Variants in MTMR14 observed in about 807,000 individuals in gnomAD.
MTMR14 encodes the protein phosphatidylinositol-3,5-bisphosphate 3-phosphatase MTMR14.
MTMR14 carries 48 observed loss-of-function variants against 86.3 expected under a neutral mutation model. The observed-to-expected ratio is 0.56, with a 90% CI of 0.44 to 0.71. The LOEUF (loss-of-function observed/expected upper bound fraction) is 0.71. MTMR14 is among the 30% of genes least tolerant of loss of function. The pLI is 0.00. For synonymous variants in MTMR14, 366 were observed against 326.1 expected (o/e 1.12, Z -1.32); for missense variants, 780 against 834.6 (o/e 0.93, Z 0.81).
At position 9,679,866 on chromosome 3, in the gene MTMR14, A is replaced by AGCAG. The variant is rs575350925; in HGVS notation, c.897+1819_897+1822dup. 2.8e-3 allele frequency among the ~76,000 whole-genome samples: 419 copies of AGCAG among 152,322 alleles called. 2 individuals are homozygous for AGCAG. The highest frequency in any genetic ancestry group is 2.7e-3 in the Admixed American group (41 of 15,302). On this transcript the variant is annotated intron_variant, in intron 9 of 18. Coordinates refer to ENST00000296003, the MANE Select transcript of MTMR14 (RefSeq NM_001077525.3). Reference sequence around the variant, plus strand: ...CGTGAAGGCAGCAGGGCTGGAGTGTAGCAGGCAGGCAGGCGCCTCCCAAGA... The same window carrying AGCAG: ...CGTGAAGGCAGCAGGGCTGGAGTGTAGCAGGCAGGCAGGCAGGCGCCTCCCAAGA...
intron 17 of MTMR14, among the ~76,000 whole-genome samples, chr3:9,694,984 T>A (rs2076241913): frequency 6.6e-6 from 1 of 152,202 alleles, no homozygotes; most frequent in South Asian, 2.1e-4. Context: ...GAAGCGTTGT[T>A]CAGCTCCGCC....
rs1322414780 is a variant in MTMR14, at chr3:9,672,346, TCTC to T, written c.678-336_678-334del. Among the ~76,000 whole-genome samples the T allele has an allele frequency of 2.0e-5, 3 of 152,102 alleles. No individual in the cohort carries two copies. In the South Asian group the frequency reaches 6.2e-4, roughly 32 times the overall value. On this transcript the variant is annotated intron_variant, in intron 6 of 18. Transcript: ENST00000296003. ...CATCTGCCTCCTGGGTTCAAGCAAT[TCTC>T]CTGCTTCAGCCTCCTGAGTAGCTGG...
chr3:9,659,258 G>T (rs141334766), intron 2 of MTMR14, among the ~76,000 whole-genome samples: 6 of 152,158 alleles, frequency 3.9e-5, no homozygotes, highest in Non-Finnish European at 5.9e-5. Context: ...TCACTACCTG[G>T]TAACATCTTG....
intron 10 of MTMR14, 35 bp downstream of exon 10, chr3:9,683,279 G>C: frequency 6.3e-7 from 1 of 1,594,684 alleles, no homozygotes; most frequent in Non-Finnish European, 8.6e-7. Context: ...TCGAGCCACT[G>C]CACCCTTGGG....
intron 12 of MTMR14, 76 bp downstream of exon 12, chr3:9,685,040 A>G (rs942521657): frequency 2.0e-6 from 3 of 1,529,110 alleles, no homozygotes; most frequent in African/African-American, 2.7e-5. Context: ...GGCTCCCTTG[A>G]CAGGGGCTGG....
chr3:9,690,548 T>A (rs2076106960), intron 17 of MTMR14, among the ~76,000 whole-genome samples: 1 of 152,166 alleles, frequency 6.6e-6, no homozygotes, highest in African/African-American at 2.4e-5. Context: ...GAGAACAGTG[T>A]TAGGGAGCTG....
Position 9,677,680 on chromosome 3 carries a change from A to C in MTMR14, c.822+293A>C, listed in dbSNP as rs1366758675. 6.6e-6 allele frequency among the ~76,000 whole-genome samples: 1 copy of C among 152,208 alleles called. No homozygotes were observed. Among genetic ancestry groups the C allele is most frequent in the Non-Finnish European group, 1.5e-5 (1 of 68,038 alleles). ...TACTCTCTGTGTGAAAGCTGGGGGC[A>C]GCATTCTTTGCCTTCCCCAGCCTGT... On this transcript the variant is annotated intron_variant, in intron 8 of 18. Coordinates refer to ENST00000296003, the MANE Select transcript of MTMR14 (RefSeq NM_001077525.3). This position sits in a 1 kb window ranked among gnomAD's most constrained non-coding sequence, Gnocchi z 4.2.
At chr3:9,684,860 C>T (rs754701374) in intron 11 of MTMR14, 28 bp from the exon 12 acceptor site, 3 of 1,610,490 alleles carry the variant, frequency 1.9e-6, no homozygotes, top group East Asian at 4.5e-5. Context: ...GAAGAGGGCT[C>T]TGTCACATCT....
Position 9,672,769 on chromosome 3 carries a change from C to T in MTMR14, c.751+11C>T, listed in dbSNP as rs201803218. 1 of 1,613,698 alleles carries T rather than the reference C, an allele frequency of 6.2e-7. No homozygotes were observed. The highest frequency in any genetic ancestry group is 1.3e-5 in the African/African-American group (1 of 74,902). On this transcript the variant is annotated intron_variant, in intron 7 of 18. Coordinates refer to ENST00000296003, the MANE Select transcript of MTMR14 (RefSeq NM_001077525.3). ...CCATCCCGTATCCAGGTAGGGGGCT[C>T]TCTTCTAGTGGCAGGCATCCTAGGA...
chr3:9,681,388 G>T (rs932964198), intron 9 of MTMR14, among the ~76,000 whole-genome samples: 1 of 152,192 alleles, frequency 6.6e-6, no homozygotes, highest in African/African-American at 2.4e-5. Context: ...CCTAGTCCCT[G>T]AACACTAAGC....
At chr3:9,697,090 CTG>C (rs1165725697) in intron 17 of MTMR14, among the ~76,000 whole-genome samples, 1 of 152,198 alleles carries the variant, frequency 6.6e-6, no homozygotes, top group Non-Finnish European at 1.5e-5. Context: ...TCCCTTCCCT[CTG>C]GGCATAGCCA....
intron 2 of MTMR14, among the ~76,000 whole-genome samples, chr3:9,660,390 C>G (rs921937222): frequency 6.6e-6 from 1 of 152,050 alleles, no homozygotes; most frequent in Admixed American, 6.6e-5. Context: ...TCCTGAGTAG[C>G]TGGGATTACA....
At chr3:9,651,857 C>T (rs2047315689) in intron 1 of MTMR14, among the ~76,000 whole-genome samples, 2 of 140,096 alleles carry the variant, frequency 1.4e-5, no homozygotes, top group Non-Finnish European at 1.5e-5. Context: ...TTTGAGATGG[C>T]GTCTCACTCT....
At chr3:9,692,493 G>T (rs887284940) in intron 17 of MTMR14, among the ~76,000 whole-genome samples, 11 of 152,234 alleles carry the variant, frequency 7.2e-5, no homozygotes, top group African/African-American at 2.4e-4. Flanking sequence ...TCAGCGACAG[G>T]GTTGAGGGCT....
Position 9,649,622 on chromosome 3 carries a change from G to A in MTMR14, c.39G>A (p.Ala13=), listed in dbSNP as rs747366706. The part of the protein sequence containing the change: ...GARAAAAAAS[A]GSSASSGNQP... ...GGGCCGCCGCCGCCGCTGCCTCGGC[G>A]GGGTCCTCGGCCTCTTCAGGCAACC... The change falls in exon 1 of 19, where the codon GCG becomes GCA. Residue 13 remains alanine (A), a synonymous_variant. Transcript: ENST00000296003. 8 of 1,555,342 alleles carry A rather than the reference G, an allele frequency of 5.1e-6. No individual in the cohort carries two copies. Among genetic ancestry groups the A allele is most frequent in the Admixed American group, 1.9e-5 (1 of 51,430 alleles).
chr3:9,685,893 G>A (rs1365640820), intron 13 of MTMR14, among the ~76,000 whole-genome samples: 7 of 152,170 alleles, frequency 4.6e-5, no homozygotes, highest in African/African-American at 1.7e-4. Flanking sequence ...TCCCTAGTTG[G>A]CCCCCTTACT....
Position 9,688,691 on chromosome 3 carries a change from T to C in MTMR14, c.1236-5T>C, listed in dbSNP as rs759496071. ...GGAATTTACTGCTCCGGCTTCCATTTCTAGGAGGAAGAGTTTGCCAGCCCG... is the reference window on the plus strand; with the variant it reads ...GGAATTTACTGCTCCGGCTTCCATTCCTAGGAGGAAGAGTTTGCCAGCCCG... On this transcript the variant is annotated splice_polypyrimidine_tract_variant and splice_region_variant and intron_variant, in intron 14 of 18. Coordinates refer to ENST00000296003, the MANE Select transcript of MTMR14 (RefSeq NM_001077525.3). 6.2e-7 allele frequency: 1 copy of C among 1,614,152 alleles called. No individual in the cohort carries two copies. Among genetic ancestry groups the C allele is most frequent in the Non-Finnish European group, 8.5e-7 (1 of 1,180,026 alleles).
chr3:9,690,127 G>A lies in MTMR14; in HGVS notation c.1597G>A (p.Glu533Lys), dbSNP rs200526048. ...NFFRMGSSPL[E>K]VPKPRSVDHP... ...TTTCAGGATGGGTAGCAGTCCCCTG[G>A]AGGTCCCCAAACCCAGGTGAGGAGC... is the stretch of plus-strand genomic sequence containing the variant. The change falls in exon 17 of 19, where the codon GAG becomes AAG. Residue 533 changes from glutamate (E) to lysine (K), a missense_variant. Glu to Lys is a moderately conservative substitution (Grantham distance 56). Transcript: ENST00000296003. The A allele has an allele frequency of 1.1e-4, 178 of 1,613,766 alleles. No homozygotes were observed. In the East Asian group the frequency reaches 2.7e-3, roughly 25 times the overall value.
Position 9,678,041 on chromosome 3 carries a change from G to A in MTMR14, c.880G>A (p.Asp294Asn). ...CTTCCTGACTCACTCTCTGAACATT[G>A]ACTGGAGCCAGTATCAGGTGAGGGG... The part of the protein sequence containing the change: ...PDFLTHSLNI[D>N]WSQYQCWDLV... Residue 294 changes from aspartate (D) to asparagine (N), a missense_variant, in exon 9 of 19, where the codon GAC becomes AAC. Physicochemically the swap from Asp to Asn is conservative, Grantham distance 23. Transcript: ENST00000296003. 6.2e-7 allele frequency: 1 copy of A among 1,614,038 alleles called. No individual in the cohort carries two copies. Among genetic ancestry groups the A allele is most frequent in the Non-Finnish European group, 8.5e-7 (1 of 1,180,010 alleles).
Sources: gnomAD v4.1 joint callset for allele counts (sites outside exome capture counted in the v4.1 genomes callset) on GRCh38, gnomAD v4.1.1 for gene constraint, Gnocchi (gnomAD v3.1) non-coding constraint, MANE v1.5 for transcripts, NCBI Gene and HGNC (gene_info 2026-07-23, HGNC 2026-07-21) for gene names.